EYS: variants seen among roughly 807,000 people sequenced by gnomAD.
The protein encoded by EYS is EGF-like photoreceptor maintenance factor.
Under a neutral mutation model 282.1 loss-of-function variants are expected in EYS, and 250 were observed. The ratio of observed to expected loss-of-function variants is 0.89; its 90% CI spans 0.80 to 0.98. EYS has a LOEUF of 0.98. Among genes scored for constraint, EYS ranks in the 50% least tolerant of loss-of-function variants. The pLI is 0.00. For synonymous variants in EYS, 1,355 were observed against 1,282.9 expected, an observed-to-expected ratio of 1.06 and a Z score of -1.20; for missense variants, 4,016 against 3,709.0, an observed-to-expected ratio of 1.08 and a Z score of -2.15.
At chr6:64,157,762 G>T (rs941709249) in intron 31 of EYS, among the ~76,000 whole-genome samples, 2 of 152,230 alleles carry the variant, frequency 1.3e-5, no homozygotes, top group African/African-American at 4.8e-5. Flanking sequence ...CTAGATTTCA[G>T]ATGTATGGAA....
In EYS at chr6:63,762,657, T is replaced by C. The variant is rs775789604; in HGVS notation, c.7899-24A>G. 2.3e-5 allele frequency: 36 copies of C among 1,547,132 alleles called. 1 individual carries two copies. In the South Asian group the frequency reaches 4.1e-4, roughly 18 times the overall value. ...AGCTGTGGGTTGAGAGAAAGCCGCATGGTTTGAGCACTTGTTTAGAGATGG... is the reference window on the plus strand; with the variant it reads ...AGCTGTGGGTTGAGAGAAAGCCGCACGGTTTGAGCACTTGTTTAGAGATGG... On this transcript the variant is annotated intron_variant, in intron 40 of 42. Transcript: ENST00000503581.
At chr6:65,403,607 G>T (rs1766601106) in intron 6 of EYS, among the ~76,000 whole-genome samples, 1 of 151,702 alleles carries the variant, frequency 6.6e-6, no homozygotes, top group African/African-American at 2.4e-5. Flanking sequence ...CATGGTAGCA[G>T]TACAAATGAT....
At chr6:65,351,791 T>C (rs1013127264) in intron 9 of EYS, among the ~76,000 whole-genome samples, 3 of 151,734 alleles carry the variant, frequency 2.0e-5, no homozygotes, top group Non-Finnish European at 4.4e-5. Context: ...CAAAAAATAC[T>C]CTGTGTCCAT....
intron 12 of EYS, among the ~76,000 whole-genome samples, chr6:65,139,417 C>T (rs923981073): frequency 2.6e-5 from 4 of 152,028 alleles, no homozygotes; most frequent in African/African-American, 9.7e-5. Flanking sequence ...GAACAACAGA[C>T]ACCAGGAGCC....
At chr6:65,029,995 A>G (rs1013349043) in intron 13 of EYS, among the ~76,000 whole-genome samples, 1 of 152,212 alleles carries the variant, frequency 6.6e-6, no homozygotes, top group Admixed American at 6.5e-5. Flanking sequence ...GCCACCATGG[A>G]CATTTGAGCT....
chr6:65,092,240 T>G (rs1481065851), intron 12 of EYS, among the ~76,000 whole-genome samples: 1 of 152,156 alleles, frequency 6.6e-6, no homozygotes, highest in Non-Finnish European at 1.5e-5. Flanking sequence ...GTAAAATTTT[T>G]AGTACTTAAC....
rs146060100 is a variant in EYS, at chr6:65,243,760, A to T, written c.2023+52103T>A. On this transcript the variant is annotated intron_variant, in intron 12 of 42. Transcript: ENST00000503581. ...TTTCTACAGAAAAATAAGAAAAAAA[A>T]TAGCCATGTGTGGTGGCACGGGCCT... is the stretch of plus-strand genomic sequence containing the variant. Among the ~76,000 whole-genome samples the T allele has an allele frequency of 4.8e-3, 731 of 152,234 alleles. 6 individuals carry two copies. Among genetic ancestry groups the T allele is most frequent in the African/African-American group, 0.017 (697 of 41,556 alleles).
At chr6:65,079,648 T>C (rs1389050190) in intron 12 of EYS, among the ~76,000 whole-genome samples, 5 of 152,102 alleles carry the variant, frequency 3.3e-5, no homozygotes, top group South Asian at 4.1e-4. Context: ...CAAATTAGAA[T>C]TGCATATGTG....
At chr6:64,753,530 T>C (rs1022794982) in intron 22 of EYS, among the ~76,000 whole-genome samples, 5 of 147,766 alleles carry the variant, frequency 3.4e-5, no homozygotes, top group African/African-American at 1.2e-4. Flanking sequence ...AAAGAGGTCA[T>C]CAGATAATGA....
At chr6:65,218,420 A>AAG (rs1434730600) in intron 12 of EYS, among the ~76,000 whole-genome samples, 1 of 152,140 alleles carries the variant, frequency 6.6e-6, no homozygotes, top group African/African-American at 2.4e-5. Flanking sequence ...TGAGGTAAGA[A>AAG]TGTGTTTTTT....
intron 19 of EYS, among the ~76,000 whole-genome samples, chr6:64,841,713 A>C (rs1765568275): frequency 6.6e-6 from 1 of 152,172 alleles, no homozygotes; most frequent in African/African-American, 2.4e-5. Context: ...TTTGGGAGAC[A>C]ATTGGCACTA....
chr6:65,379,923 C>T (rs1427599964), intron 8 of EYS, among the ~76,000 whole-genome samples: 1 of 151,792 alleles, frequency 6.6e-6, no homozygotes, highest in Non-Finnish European at 1.5e-5. Flanking sequence ...ATGTGAAGGA[C>T]CTCTTCAAGG....
chr6:64,703,802 A>G (rs6928342), intron 22 of EYS, among the ~76,000 whole-genome samples: 103,344 of 151,940 alleles, frequency 0.68, 36,217 homozygotes, highest in Middle Eastern at 0.78. Context: ...AAATAGTAAC[A>G]TATTTTAAGT....
At chr6:65,149,508 T>G (rs1764561124) in intron 12 of EYS, among the ~76,000 whole-genome samples, 1 of 152,126 alleles carries the variant, frequency 6.6e-6, no homozygotes, top group African/African-American at 2.4e-5. Flanking sequence ...TTCCACAAGT[T>G]TCTGTCTTCT....
At chr6:65,113,643 T>C (rs889375393) in intron 12 of EYS, among the ~76,000 whole-genome samples, 13 of 152,092 alleles carry the variant, frequency 8.5e-5, no homozygotes, top group Non-Finnish European at 1.6e-4. Context: ...GCCATGTTCT[T>C]CTTTACTTCT....
intron 2 of EYS, among the ~76,000 whole-genome samples, chr6:65,518,605 T>G (rs540323798): frequency 6.6e-6 from 1 of 152,294 alleles, no homozygotes; most frequent in East Asian, 1.9e-4. Flanking sequence ...AATTAGAATA[T>G]AAACCCCATG....
intron 41 of EYS, among the ~76,000 whole-genome samples, chr6:63,740,334 T>C (rs981236387): frequency 6.6e-6 from 1 of 152,174 alleles, no homozygotes; most frequent in Non-Finnish European, 1.5e-5. Context: ...TCTCTTCTCT[T>C]TGCTTGCCAC....
At chr6:65,687,129 C>A (rs564598623) in intron 1 of EYS, among the ~76,000 whole-genome samples, 30 of 151,884 alleles carry the variant, frequency 2.0e-4, no homozygotes, top group Admixed American at 6.6e-4. Context: ...GTTTTTGAAA[C>A]CAAGAAATAT....
At chr6:64,035,881 A>T (rs1195034288) in intron 33 of EYS, among the ~76,000 whole-genome samples, 1 of 152,186 alleles carries the variant, frequency 6.6e-6, no homozygotes, top group Non-Finnish European at 1.5e-5. Flanking sequence ...TCAGAGATTC[A>T]CTCTAGCATA....
Sources: allele counts gnomAD v4.1 joint callset (sites outside exome capture counted in the v4.1 genomes callset), GRCh38; gene constraint gnomAD v4.1.1; transcripts MANE v1.5; gene names NCBI Gene and HGNC (gene_info 2026-07-23, HGNC 2026-07-21).